S100A16: variants seen among roughly 807,000 people sequenced by gnomAD.
The protein encoded by S100A16 is S100 calcium binding protein A16.
S100A16 carries 8 observed loss-of-function variants against 9.0 expected under a neutral mutation model. The observed-to-expected ratio is 0.89, with a 90% CI of 0.52 to 1.60. The LOEUF (loss-of-function observed/expected upper bound fraction) is 1.60. S100A16 is among the 40% of genes most tolerant of loss of function. The probability of loss-of-function intolerance (pLI) is 0.00; values close to 1 mark genes in which losing one functional copy is unlikely to be tolerated. For synonymous variants in S100A16, 51 were observed against 51.4 expected, an observed-to-expected ratio of 0.99 and a Z score of 0.04; for missense variants, 138 against 132.4, an observed-to-expected ratio of 1.04 and a Z score of -0.21.
At chr1:153,608,553 C>T (rs901131516) in intron 1 of S100A16, among the ~76,000 whole-genome samples, 2 of 152,214 alleles carry the variant, frequency 1.3e-5, no homozygotes, top group Admixed American at 1.3e-4. Flanking sequence ...TGGCCCACCT[C>T]TCCCGGGGCC....
intron 1 of S100A16, among the ~76,000 whole-genome samples, chr1:153,612,641 A>G (rs965798180): frequency 2.0e-5 from 3 of 151,978 alleles, no homozygotes; most frequent in African/African-American, 4.8e-5. Flanking sequence ...TTTGGGGAGG[A>G]TCGAGTAGCT....
chr1:153,607,116 C>G lies in S100A16; in HGVS notation c.*418G>C, dbSNP rs1221218992. On this transcript the variant is annotated 3_prime_UTR_variant, in exon 3 of 3. Coordinates refer to ENST00000368706, the MANE Select transcript of S100A16 (RefSeq NM_080388.3). ...GTCTCTGCTGCTGCTGCTGCTGCTG[C>G]TGCTGCTGTTGCTGCTACCACTGCC... The G allele has an allele frequency of 2.2e-6, 1 of 453,520 alleles. No individual in the cohort carries two copies. Among genetic ancestry groups the G allele is most frequent in the Non-Finnish European group, 4.4e-6 (1 of 226,166 alleles). The allele number at this position is 453,520 out of a possible 1,614,324, so 28.1% of individuals were successfully genotyped here.
At chr1:153,609,778 G>T (rs1026020511) in intron 1 of S100A16, among the ~76,000 whole-genome samples, 26 of 152,086 alleles carry the variant, frequency 1.7e-4, no homozygotes, top group Non-Finnish European at 7.4e-5. Context: ...GGTATTGCAC[G>T]TCCTTGACCA....
At position 153,607,636 on chromosome 1, in the gene S100A16, A is replaced by T; in HGVS notation, c.210T>A (p.His70Gln). Residue 70 changes from histidine (H) to glutamine (Q), a missense_variant, in exon 3 of 3, where the codon CAT (histidine) becomes CAA (glutamine). Coordinates refer to ENST00000368706, the MANE Select transcript of S100A16 (RefSeq NM_080388.3). ...ACTCATCGAAGCTGATGCGCCCATC[A>T]TGATTGGCATCCAGGTTCTGGATGA... ...DKLIQNLDAN[H>Q]DGRISFDEYW... The T allele has an allele frequency of 6.2e-7, 1 of 1,614,216 alleles. No homozygotes were observed. Among genetic ancestry groups the T allele is most frequent in the Non-Finnish European group, 8.5e-7 (1 of 1,180,014 alleles).
At chr1:153,610,383 C>G (rs1399447271) in intron 1 of S100A16, among the ~76,000 whole-genome samples, 2 of 152,194 alleles carry the variant, frequency 1.3e-5, no homozygotes, top group Non-Finnish European at 2.9e-5. Context: ...GGTGCACCTC[C>G]CTCTGCCACT....
intron 1 of S100A16, chr1:153,608,460 A>T (rs866316068): frequency 2.6e-6 from 1 of 382,486 alleles, no homozygotes; most frequent in South Asian, 3.4e-5. Flanking sequence ...AGGGAGCAAG[A>T]TCCCTAGTGT....
chr1:153,607,463 G>A lies in S100A16; in HGVS notation c.*71C>T, dbSNP rs1666717283. 4 of 1,584,992 alleles carry A rather than the reference G, an allele frequency of 2.5e-6. No individual in the cohort carries two copies. The Admixed American group carries it at 6.7e-5, about 27-fold the overall frequency. On this transcript the variant is annotated 3_prime_UTR_variant, in exon 3 of 3. Transcript: ENST00000368706. ...GGGCCCTGGGTGGGCAGGAGGCTGA[G>A]GAGGGAGCCTGGGGAGAGCACCAGG...
intron 1 of S100A16, among the ~76,000 whole-genome samples, chr1:153,609,945 G>T (rs1237570376): frequency 1.3e-5 from 2 of 152,168 alleles, no homozygotes; most frequent in Non-Finnish European, 2.9e-5. Flanking sequence ...TCCTCCGCCT[G>T]CCCAAACCCT....
At chr1:153,608,972 G>A (rs1666771693) in intron 1 of S100A16, 4 of 985,788 alleles carry the variant, frequency 4.1e-6, no homozygotes, top group Non-Finnish European at 3.6e-6. Flanking sequence ...CTGCCAGAGG[G>A]CACATGCGTC....
intron 1 of S100A16, among the ~76,000 whole-genome samples, chr1:153,610,890 G>A (rs1394336284): frequency 6.6e-6 from 1 of 151,780 alleles, no homozygotes; most frequent in African/African-American, 2.4e-5. Context: ...TCAGGGGTCG[G>A]GCAGATGTTC....
Position 153,607,190 on chromosome 1 carries a change from G to A in S100A16, c.*344C>T. On this transcript the variant is annotated 3_prime_UTR_variant, in exon 3 of 3. Coordinates refer to ENST00000368706, the MANE Select transcript of S100A16 (RefSeq NM_080388.3). ...CACCAAGCTGACCTTTGGAGGTCAG[G>A]ACGGACCCAGAATCAGGCAGGAATT... The A allele has an allele frequency of 2.3e-6, 1 of 426,702 alleles. No individual in the cohort carries two copies. The highest frequency in any genetic ancestry group is 4.5e-6 in the Non-Finnish European group (1 of 222,560). The allele number at this position is 426,702 out of a possible 1,614,324, so 26.4% of individuals were successfully genotyped here.
At chr1:153,608,732 A>G (rs888199686) in intron 1 of S100A16, among the ~76,000 whole-genome samples, 2 of 152,234 alleles carry the variant, frequency 1.3e-5, no homozygotes, top group East Asian at 3.8e-4. Context: ...CCCGGGTCTC[A>G]GAACCTGGCT....
In S100A16 at chr1:153,612,445, G is replaced by A. The variant is rs150541871; in HGVS notation, c.-27+507C>T. 5.5e-3 allele frequency among the ~76,000 whole-genome samples: 839 copies of A among 152,002 alleles called. 10 individuals carry two copies. Among genetic ancestry groups the A allele is most frequent in the African/African-American group, 0.019 (787 of 41,438 alleles). ...GAACACAGTGGGGTCTGCTTGGGTC[G>A]TGAGGTAGAGGGGACGCCACCTCAG... On this transcript the variant is annotated intron_variant, in intron 1 of 2. Coordinates refer to ENST00000368706, the MANE Select transcript of S100A16 (RefSeq NM_080388.3).
chr1:153,610,064 C>T (rs950817087), intron 1 of S100A16, among the ~76,000 whole-genome samples: 19 of 152,244 alleles, frequency 1.2e-4, no homozygotes, highest in African/African-American at 4.3e-4. Flanking sequence ...CTGTCTATAC[C>T]GCTGCAAGAC....
Position 153,608,119 on chromosome 1 carries a change from T to G in S100A16, c.33A>C (p.Ala11=), listed in dbSNP as rs1438865348. MSDCYTELEK[A]VIVLVENFYK... is the part of the protein sequence containing the mutation. ...AGAAGTTTTCCACCAGGACAATGACTGCCTTCTCCAGCTCCGTGTAGCAGT... is the reference window on the plus strand; with the variant it reads ...AGAAGTTTTCCACCAGGACAATGACGGCCTTCTCCAGCTCCGTGTAGCAGT... The change falls in exon 2 of 3, where the codon GCA becomes GCC. Residue 11 remains alanine, a synonymous_variant. Coordinates refer to ENST00000368706, the MANE Select transcript of S100A16 (RefSeq NM_080388.3). The G allele has an allele frequency of 1.2e-6, 2 of 1,613,926 alleles. No homozygotes were observed. Among genetic ancestry groups the G allele is most frequent in the Admixed American group, 3.3e-5 (2 of 59,992 alleles).
Position 153,607,444 on chromosome 1 carries a change from TG to T in S100A16, c.*89del. ...GGAGGGAGAAGAGAGTAAAGGGCCC[TG>T]GGTGGGCAGGAGGCTGAGGAGGGAG... On this transcript the variant is annotated 3_prime_UTR_variant, in exon 3 of 3. Coordinates refer to ENST00000368706, the MANE Select transcript of S100A16 (RefSeq NM_080388.3). The T allele has an allele frequency of 6.7e-7, 1 of 1,488,094 alleles. No individual in the cohort carries two copies. The highest frequency in any genetic ancestry group is 9.3e-7 in the Non-Finnish European group (1 of 1,073,724). The allele number at this position is 1,488,094 out of a possible 1,614,324, so 92.2% of individuals were successfully genotyped here.
rs998513285 is a variant in S100A16 at position 153,607,993 on chromosome 1, C to T, written c.153+6G>A. 8.7e-6 allele frequency: 14 copies of T among 1,613,404 alleles called. No homozygotes were observed. In the African/African-American group the frequency reaches 1.7e-4, roughly 20 times the overall value. Reference sequence around the variant, plus strand: ...GGAGGCAAGGCCCTTGGGTGAGAGGCCTTACCGACAGCATGTGGTTCAGCT... The same window carrying T: ...GGAGGCAAGGCCCTTGGGTGAGAGGTCTTACCGACAGCATGTGGTTCAGCT... On this transcript the variant is annotated splice_donor_region_variant and intron_variant, in intron 2 of 2. Coordinates refer to ENST00000368706, the MANE Select transcript of S100A16 (RefSeq NM_080388.3).
intron 1 of S100A16, among the ~76,000 whole-genome samples, chr1:153,611,917 T>TCACTCACACACA (rs1553221876): frequency 7.1e-6 from 1 of 140,792 alleles, no homozygotes; most frequent in East Asian, 2.2e-4. Context: ...TGTCTCTCTC[T>TCACTCACACACA]CACACACACA....
rs1324770556 is a variant in S100A16 at position 153,607,440 on chromosome 1, G to T, written c.*94C>A. On this transcript the variant is annotated 3_prime_UTR_variant, in exon 3 of 3. Coordinates refer to ENST00000368706, the MANE Select transcript of S100A16 (RefSeq NM_080388.3). ...GTCTGGAGGGAGAAGAGAGTAAAGG[G>T]CCCTGGGTGGGCAGGAGGCTGAGGA... The T allele has an allele frequency of 2.7e-6, 4 of 1,459,078 alleles. No homozygotes were observed. The highest frequency in any genetic ancestry group is 2.8e-5 in the African/African-American group (2 of 71,990). The allele number at this position is 1,459,078 out of a possible 1,614,324, so 90.4% of individuals were successfully genotyped here.
Sources: gnomAD v4.1 joint callset for allele counts (sites outside exome capture counted in the v4.1 genomes callset) on GRCh38, gnomAD v4.1.1 for gene constraint, MANE v1.5 for transcripts, NCBI Gene and HGNC (gene_info 2026-07-23, HGNC 2026-07-21) for gene names.